The following MEF2D variants were observed in gnomAD, a reference collection of about 807,000 sequenced individuals.
The protein encoded by MEF2D is myocyte-specific enhancer factor 2D.
MEF2D carries 10 observed loss-of-function variants against 59.3 expected under a neutral mutation model. The observed-to-expected ratio is 0.17, with a 90% CI of 0.10 to 0.29. MEF2D has a LOEUF of 0.29. Among genes scored for constraint, MEF2D ranks in the 10% least tolerant of loss-of-function variants. The pLI is 1.00. For missense variants in MEF2D, 508 were observed against 699.4 expected (o/e 0.73, Z 3.09); for synonymous variants, 305 against 295.0 (o/e 1.03, Z -0.35).
chr1:156,480,946 C>G lies in MEF2D; in HGVS notation c.284G>C (p.Gly95Ala). 1 of 1,612,146 alleles carries G rather than the reference C, an allele frequency of 6.2e-7. No individual in the cohort carries two copies. Among genetic ancestry groups the G allele is most frequent in the Non-Finnish European group, 8.5e-7 (1 of 1,179,940 alleles). ...CCCGTCGGGCTCGGGGCTGTCGCAG[C>G]CGTTGAAGCCCTTCTTCCTCAGGGT... ...IETLRKKGFNGCDSPEPDGED... is the reference protein window; with the variant it reads ...IETLRKKGFNACDSPEPDGED... The change falls in exon 4 of 12, where the codon GGC becomes GCC. Residue 95 changes from glycine (G) to alanine (A), a missense_variant. This residue lies in a region of MEF2D where 481 missense variants were observed against 584.7 expected (regional missense o/e 0.82). Transcript: ENST00000348159.
Position 156,476,504 on chromosome 1 carries a change from T to G in MEF2D, c.866A>C (p.His289Pro). ...KGLMHHLTED[H>P]LDLNNAQRLG... ...CACAGCCTCACTTACCAGATCTAAA[T>G]GGTCCTCAGTCTGAGAGCAGAAATA... Residue 289 changes from histidine (H) to proline (P), a missense_variant, in exon 8 of 12, where the codon CAT becomes CCT. Physicochemically the swap from His to Pro is moderately conservative, Grantham distance 77. Coordinates refer to ENST00000348159, the MANE Select transcript of MEF2D (RefSeq NM_005920.4). The G allele has an allele frequency of 6.2e-7, 1 of 1,612,042 alleles. No individual in the cohort carries two copies. Among genetic ancestry groups the G allele is most frequent in the Non-Finnish European group, 8.5e-7 (1 of 1,179,166 alleles).
At chr1:156,494,556 A>T (rs1387758895) in intron 1 of MEF2D, among the ~76,000 whole-genome samples, 1 of 152,028 alleles carries the variant, frequency 6.6e-6, no homozygotes, top group African/African-American at 2.4e-5. Flanking sequence ...AGGAACCCTC[A>T]AGGCCTCCTC....
At chr1:156,474,617 C>T (rs367609527) in intron 9 of MEF2D, among the ~76,000 whole-genome samples, 39 of 151,774 alleles carry the variant, frequency 2.6e-4, no homozygotes, top group African/African-American at 9.2e-4. Context: ...TTGAGACTAG[C>T]CTGGGCAACA....
chr1:156,467,880 G>A, intron 11 of MEF2D, 113 bp downstream of exon 11: 1 of 1,373,680 alleles, frequency 7.3e-7, no homozygotes, highest in Non-Finnish European at 9.9e-7. Flanking sequence ...CTGGCGGAAG[G>A]GGTAGCCGGC....
chr1:156,475,174 C>A lies in MEF2D; in HGVS notation c.940G>T (p.Val314Leu). The change falls in exon 9 of 12, where the codon GTG (valine) becomes TTG (leucine). Residue 314 changes from valine to leucine, a missense_variant. Coordinates refer to ENST00000348159, the MANE Select transcript of MEF2D (RefSeq NM_005920.4). ...THSLTTPVVSVATPSLLSQGL... is the reference protein window; with the variant it reads ...THSLTTPVVSLATPSLLSQGL... ...TGGCTGAGTAAACTCGGCGTTGCCACAGAAACCACTGGGGTGGTGAGCGAA... is the reference window on the plus strand; with the variant it reads ...TGGCTGAGTAAACTCGGCGTTGCCAAAGAAACCACTGGGGTGGTGAGCGAA... 1 of 1,614,204 alleles carries A rather than the reference C, an allele frequency of 6.2e-7. No individual in the cohort carries two copies. Among genetic ancestry groups the A allele is most frequent in the Non-Finnish European group, 8.5e-7 (1 of 1,180,016 alleles).
intron 1 of MEF2D, among the ~76,000 whole-genome samples, chr1:156,485,519 CTTCT>C (rs935860271): frequency 4.0e-5 from 4 of 99,844 alleles, no homozygotes; most frequent in African/African-American, 1.7e-4. Flanking sequence ...CCTTCTCCTT[CTTCT>C]TTTTTTTTTT....
At position 156,468,273 on chromosome 1, in the gene MEF2D, C is replaced by A; in HGVS notation, c.1274G>T (p.Gly425Val). Residue 425 changes from glycine (G) to valine (V), a missense_variant, in exon 11 of 12, where the codon GGT (glycine) becomes GTT (valine). Gly to Val is a moderately radical substitution (Grantham distance 109, BLOSUM62 -3). Coordinates refer to ENST00000348159, the MANE Select transcript of MEF2D (RefSeq NM_005920.4). The surrounding 1 kb of genome is among the most constrained non-coding windows in gnomAD (Gnocchi z 4.3). ...GTGGGTGGTGACTGTGAGGGCAGCACCCACGTGGGGCAGGGGGCTGCCCGG... is the reference window on the plus strand; with the variant it reads ...GTGGGTGGTGACTGTGAGGGCAGCAACCACGTGGGGCAGGGGGCTGCCCGG... ...LIPGSPLPHV[G>V]AALTVTTHPH... The A allele has an allele frequency of 1.3e-6, 2 of 1,570,488 alleles. No individual in the cohort carries two copies. Among genetic ancestry groups the A allele is most frequent in the Non-Finnish European group, 1.7e-6 (2 of 1,155,794 alleles).
chr1:156,475,025 C>T, intron 9 of MEF2D, 83 bp downstream of exon 9: 7 of 1,600,408 alleles, frequency 4.4e-6, no homozygotes, highest in South Asian at 3.4e-5. Context: ...GTGGCCTGTC[C>T]AGGGGATAAC....
chr1:156,480,473 A>G (rs1224387080), intron 4 of MEF2D, among the ~76,000 whole-genome samples: 2 of 152,160 alleles, frequency 1.3e-5, no homozygotes, highest in African/African-American at 4.8e-5. Flanking sequence ...CCATCCCAGT[A>G]GAGTCTCAGC....
intron 1 of MEF2D, among the ~76,000 whole-genome samples, chr1:156,486,796 C>T (rs894723457): frequency 6.6e-6 from 1 of 152,230 alleles, no homozygotes; most frequent in Non-Finnish European, 1.5e-5. Context: ...ACTACTCTAT[C>T]TCCTATAAGA....
chr1:156,485,559 T>C (rs1204072308), intron 1 of MEF2D, among the ~76,000 whole-genome samples: 1 of 151,014 alleles, frequency 6.6e-6, no homozygotes, highest in Non-Finnish European at 1.5e-5. Context: ...TTGTTGTTTT[T>C]TAAGATAGGG....
In MEF2D at chr1:156,483,299, CG is replaced by C. The variant is rs1219744089; in HGVS notation, c.-8del. The C allele has an allele frequency of 1.2e-6, 2 of 1,613,960 alleles. No individual in the cohort carries two copies. The highest frequency in any genetic ancestry group is 4.5e-5 in the East Asian group (2 of 44,894). ...GAATCTTTTTCCTCCCCATCTTCTC[CG>C]GGGGTCCTCAGTGCTACGGAGGGGA... On this transcript the variant is annotated 5_prime_UTR_variant, in exon 2 of 12. Coordinates refer to ENST00000348159, the MANE Select transcript of MEF2D (RefSeq NM_005920.4).
intron 1 of MEF2D, among the ~76,000 whole-genome samples, chr1:156,492,652 T>C (rs1319793495): frequency 2.0e-5 from 3 of 152,214 alleles, no homozygotes; most frequent in Non-Finnish European, 4.4e-5. Context: ...TTTGGTCATC[T>C]AAACAAGAGC....
rs564934197 is a variant in MEF2D, at chr1:156,473,991, A to C, written c.1006+1117T>G. ...CTTGTCTCTTTTCTCTTATTCCTTC[A>C]TTCTCTTCCAGGAAGCTTTTCTGAA... On this transcript the variant is annotated intron_variant, in intron 9 of 11. Coordinates refer to ENST00000348159, the MANE Select transcript of MEF2D (RefSeq NM_005920.4). Among the ~76,000 whole-genome samples the C allele has an allele frequency of 5.9e-5, 9 of 151,824 alleles. No homozygotes were observed. In the South Asian group the frequency reaches 1.0e-3, roughly 18 times the overall value.
chr1:156,468,799 C>T lies in MEF2D; in HGVS notation c.1228G>A (p.Val410Ile), dbSNP rs1450047965. Residue 410 changes from valine to isoleucine, a missense_variant, in exon 10 of 12, where the codon GTA becomes ATA. By Grantham distance (29) the Val-to-Ile change is conservative. Coordinates refer to ENST00000348159, the MANE Select transcript of MEF2D (RefSeq NM_005920.4). This position sits in a 1 kb window ranked among gnomAD's most constrained non-coding sequence, Gnocchi z 4.3. ...PPQQQSHLVP[V>I]SLSNLIPGSP... ...ACTCACATGAGGTTGCTGAGAGATA[C>T]AGGGACCAGGTGGGACTGTTGCTGA... 2 of 1,613,484 alleles carry T rather than the reference C, an allele frequency of 1.2e-6. No homozygotes were observed. The highest frequency in any genetic ancestry group is 1.7e-6 in the Non-Finnish European group (2 of 1,179,482).
At chr1:156,493,708 G>C (rs148211682) in intron 1 of MEF2D, among the ~76,000 whole-genome samples, 2 of 152,240 alleles carry the variant, frequency 1.3e-5, no homozygotes, top group East Asian at 3.9e-4. Context: ...TGCCAGCAAG[G>C]ACCTCTGCCT....
At chr1:156,480,608 A>G (rs893281881) in intron 4 of MEF2D, 2 of 1,525,014 alleles carry the variant, frequency 1.3e-6, no homozygotes, top group Non-Finnish European at 8.8e-7. Flanking sequence ...CACACCATGC[A>G]CCACAGGGAG....
intron 3 of MEF2D, 104 bp downstream of exon 3, chr1:156,482,333 C>T: frequency 8.4e-7 from 1 of 1,192,542 alleles, no homozygotes. Flanking sequence ...GGCATGTATA[C>T]CAGTGTGTGT....
In MEF2D at chr1:156,468,286, G is replaced by C. The variant is rs1426240056; in HGVS notation, c.1261C>G (p.Leu421Val). ...SLSNLIPGSP[L>V]PHVGAALTVT... ...GTGAGGGCAGCACCCACGTGGGGCA[G>C]GGGGCTGCCCGGGCTGGAGGCAGGC... The change falls in exon 11 of 12, where the codon CTG (leucine) becomes GTG (valine). Residue 421 changes from leucine to valine, a missense_variant. This residue lies in a region of MEF2D where 481 missense variants were observed against 584.7 expected (regional missense o/e 0.82). Transcript: ENST00000348159. This position sits in a 1 kb window ranked among gnomAD's most constrained non-coding sequence, Gnocchi z 4.3. 11 of 1,559,104 alleles carry C rather than the reference G, an allele frequency of 7.1e-6. No homozygotes were observed. Among genetic ancestry groups the C allele is most frequent in the Non-Finnish European group, 9.6e-6 (11 of 1,150,906 alleles).
Sources: gnomAD v4.1 joint callset for allele counts (sites outside exome capture counted in the v4.1 genomes callset) on GRCh38, gnomAD v4.1.1 for gene constraint, gnomAD v4.1.1 regional missense constraint, Gnocchi (gnomAD v3.1) non-coding constraint, MANE v1.5 for transcripts, NCBI Gene and HGNC (gene_info 2026-07-23, HGNC 2026-07-21) for gene names.